The following GLIS3 variants were observed in gnomAD, a reference collection of about 807,000 sequenced individuals.
GLIS3 encodes the protein GLIS family zinc finger 3.
In GLIS3, 53 loss-of-function variants were observed where a neutral mutation model predicts 78.6. That is an observed-to-expected ratio of 0.67 (90% CI 0.54 to 0.85). The LOEUF is 0.85. Ranked by LOEUF, GLIS3 falls within the 40% of genes least tolerant of loss-of-function variation. GLIS3 has a pLI of 0.00. For missense variants in GLIS3, 1,703 were observed against 1,231.1 expected, an observed-to-expected ratio of 1.38 and a Z score of -5.74; for synonymous variants, 684 against 509.9, an observed-to-expected ratio of 1.34 and a Z score of -4.60.
intron 7 of GLIS3, among the ~76,000 whole-genome samples, chr9:3,892,021 G>T (rs959737460): frequency 6.6e-6 from 1 of 152,000 alleles, no homozygotes; most frequent in South Asian, 2.1e-4. Context: ...CTTTCTCTAC[G>T]TCCCCAAGGA....
At chr9:4,410,368 A>T in the GLIS3 span, among the ~76,000 whole-genome samples, 16 of 152,344 alleles carry the variant, frequency 1.1e-4, no homozygotes, top group African/African-American at 3.8e-4. Context: ...GCATAGAGCT[A>T]TGGAGAAAAA....
intron 4 of GLIS3, 131 bp downstream of exon 4, chr9:4,117,637 G>A (rs1196902344): frequency 1.6e-5 from 16 of 989,414 alleles, no homozygotes; most frequent in South Asian, 1.5e-4. Flanking sequence ...CAAGCTGAAG[G>A]GGAACCCCAT....
At chr9:3,932,890 A>C (rs144551597) in intron 5 of GLIS3, 1 of 331,510 alleles carries the variant, frequency 3.0e-6, no homozygotes, top group Non-Finnish European at 6.1e-6. Flanking sequence ...GAAAGTCCAG[A>C]AAAAAACTGG....
chr9:4,305,816 G>C (rs890202128), intron 4 of GLIS3: 2 of 152,222 alleles, frequency 1.3e-5, no homozygotes, highest in African/African-American at 2.4e-5. Context: ...CTCACACTTG[G>C]TGAAGGGAAG....
chr9:3,828,062 A>G lies in GLIS3; in HGVS notation c.*210T>C, dbSNP rs1817819898. On this transcript the variant is annotated 3_prime_UTR_variant, in exon 11 of 11. Coordinates refer to ENST00000381971, the MANE Select transcript of GLIS3 (RefSeq NM_001042413.2). ...GACAGTCCTCCTGGTCACATAGTCC[A>G]GGAAAACCAGAGAGAAAAAGGAGCA... 3 of 609,200 alleles carry G rather than the reference A, an allele frequency of 4.9e-6. No homozygotes were observed. The highest frequency in any genetic ancestry group is 2.7e-5 in the Admixed American group (1 of 36,700). The allele number at this position is 609,200 out of a possible 1,614,324, so 37.7% of individuals were successfully genotyped here. A position where few individuals can be genotyped will look rare whatever the true frequency, so the allele number is the denominator to read the frequency against.
chr9:4,355,986 T>C, the GLIS3 span, among the ~76,000 whole-genome samples: 3 of 152,228 alleles, frequency 2.0e-5, no homozygotes, highest in Non-Finnish European at 4.4e-5. Context: ...TTCAGTTCTG[T>C]GTGTTCTATG....
chr9:4,126,615 C>A (rs943824773), intron 2 of GLIS3, among the ~76,000 whole-genome samples: 4 of 151,916 alleles, frequency 2.6e-5, no homozygotes, highest in Non-Finnish European at 4.4e-5. Flanking sequence ...TGGTACATAC[C>A]CAAAGGGGAA....
chr9:4,469,927 C>T, the GLIS3 span, among the ~76,000 whole-genome samples: 2,072 of 151,950 alleles, frequency 0.014, 52 homozygotes, highest in African/African-American at 0.048. Context: ...CAAATAGAGG[C>T]TATAGAAAAT....
intron 2 of GLIS3, among the ~76,000 whole-genome samples, chr9:4,140,802 CTT>C (rs34672153): frequency 2.7e-5 from 4 of 148,634 alleles, no homozygotes; most frequent in African/African-American, 9.9e-5. Flanking sequence ...TTGAATTTAT[CTT>C]TTTTTTTTTT....
chr9:3,976,056 C>A (rs1254750698), intron 4 of GLIS3, among the ~76,000 whole-genome samples: 2 of 152,136 alleles, frequency 1.3e-5, no homozygotes, highest in Admixed American at 6.6e-5. Context: ...TCGCACTGCT[C>A]ACTGCTCAGG....
chr9:4,189,652 G>A (rs995698516), intron 2 of GLIS3, among the ~76,000 whole-genome samples: 6 of 152,112 alleles, frequency 3.9e-5, no homozygotes, highest in African/African-American at 1.4e-4. Context: ...GGTCACTCAG[G>A]ACTTGCTTTA....
intron 4 of GLIS3, among the ~76,000 whole-genome samples, chr9:4,113,264 T>C (rs759664900): frequency 3.3e-5 from 5 of 152,170 alleles, no homozygotes; most frequent in Non-Finnish European, 7.3e-5. Context: ...GACAGTTACG[T>C]TATTTATACT....
chr9:4,391,157 C>A, the GLIS3 span, among the ~76,000 whole-genome samples: 1 of 152,170 alleles, frequency 6.6e-6, no homozygotes, highest in African/African-American at 2.4e-5. Context: ...CTGCCTCTGG[C>A]TTTACCTGGA....
the GLIS3 span, among the ~76,000 whole-genome samples, chr9:4,463,381 T>A: frequency 1.1e-3 from 175 of 152,212 alleles, no homozygotes; most frequent in Non-Finnish European, 2.1e-3. Flanking sequence ...CTCTCTCACC[T>A]TCCTTTATTG....
chr9:4,290,999 C>T (rs1423687031), intron 1 of GLIS3, among the ~76,000 whole-genome samples: 2 of 152,058 alleles, frequency 1.3e-5, no homozygotes, highest in African/African-American at 2.4e-5. Flanking sequence ...GTACAACTGA[C>T]AAATTCATAG....
At chr9:4,031,156 A>G (rs914240231) in intron 4 of GLIS3, among the ~76,000 whole-genome samples, 2 of 152,228 alleles carry the variant, frequency 1.3e-5, no homozygotes, top group African/African-American at 4.8e-5. Context: ...GTTATACCCA[A>G]AAGAATTGAA....
chr9:4,069,955 A>T (rs1228445347), intron 4 of GLIS3, among the ~76,000 whole-genome samples: 1 of 152,062 alleles, frequency 6.6e-6, no homozygotes, highest in Non-Finnish European at 1.5e-5. Flanking sequence ...GCTGTCCCTG[A>T]CATGACTGTC....
At chr9:4,252,188 C>T (rs994860705) in intron 2 of GLIS3, among the ~76,000 whole-genome samples, 8 of 152,134 alleles carry the variant, frequency 5.3e-5, no homozygotes, top group African/African-American at 1.9e-4. Flanking sequence ...TGGATAATAT[C>T]CTGAGGAGTG....
intron 2 of GLIS3, among the ~76,000 whole-genome samples, chr9:4,126,205 A>G (rs1019699269): frequency 2.0e-5 from 3 of 152,214 alleles, no homozygotes; most frequent in African/African-American, 4.8e-5. Context: ...AGTTATATTA[A>G]AAATCATATT....
Sources: gnomAD v4.1 joint callset for allele counts (sites outside exome capture counted in the v4.1 genomes callset) on GRCh38, gnomAD v4.1.1 for gene constraint, MANE v1.5 for transcripts, NCBI Gene and HGNC (gene_info 2026-07-23, HGNC 2026-07-21) for gene names.